Variants in ARHGEF4 observed in about 807,000 individuals in gnomAD.
The protein encoded by ARHGEF4 is APC-stimulated guanine nucleotide exchange factor 1.
Under a neutral mutation model 162.0 loss-of-function variants are expected in ARHGEF4, and 119 were observed. That is an observed-to-expected ratio of 0.73 (90% CI 0.63 to 0.86). The LOEUF (loss-of-function observed/expected upper bound fraction) is 0.86, where lower values mean the gene tolerates loss of function less well. Ranked by LOEUF, ARHGEF4 falls within the 40% of genes least tolerant of loss-of-function variation. The pLI is 0.00. For missense variants in ARHGEF4, 2,488 were observed against 2,456.0 expected (o/e 1.01, Z -0.28); for synonymous variants, 1,014 against 979.9 (o/e 1.03, Z -0.65).
At chr2:131,023,839 A>T (rs767179628) in intron 4 of ARHGEF4, among the ~76,000 whole-genome samples, 2 of 152,230 alleles carry the variant, frequency 1.3e-5, no homozygotes, top group African/African-American at 2.4e-5. Flanking sequence ...TCATAATAGG[A>T]ATAGTTGGAA....
chr2:130,977,223 G>A (rs62647495), intron 4 of ARHGEF4, among the ~76,000 whole-genome samples: 8,820 of 151,654 alleles, frequency 0.058, 341 homozygotes, highest in African/African-American at 0.1. Context: ...TGCGGTGTGC[G>A]TGTGATGTGT....
At chr2:130,964,197 C>T in intron 4 of ARHGEF4, 1 of 985,312 alleles carries the variant, frequency 1.0e-6, no homozygotes, top group Non-Finnish European at 1.2e-6. Flanking sequence ...GGGGCATGCG[C>T]GGCGCCGTGT....
intron 6 of ARHGEF4, chr2:131,039,331 C>T (rs1690575093): frequency 8.3e-7 from 1 of 1,197,884 alleles, no homozygotes; most frequent in Non-Finnish European, 1.0e-6. Context: ...TTTCCCAAGC[C>T]CTGAAGAGCA....
At chr2:130,966,744 A>G (rs1292042131) in intron 4 of ARHGEF4, among the ~76,000 whole-genome samples, 1 of 152,220 alleles carries the variant, frequency 6.6e-6, no homozygotes, top group African/African-American at 2.4e-5. Flanking sequence ...TTCAACAATC[A>G]TGGCTTTTTC....
intron 4 of ARHGEF4, among the ~76,000 whole-genome samples, chr2:130,961,165 G>T (rs1684600271): frequency 6.6e-6 from 1 of 152,206 alleles, no homozygotes; most frequent in Non-Finnish European, 1.5e-5. Flanking sequence ...TCCTCCACGG[G>T]CTGCTTGCCC....
Position 131,041,950 on chromosome 2 carries a change from G to A in ARHGEF4, c.5025+6G>A. 1.2e-6 allele frequency: 2 copies of A among 1,609,436 alleles called. No individual in the cohort carries two copies. The highest frequency in any genetic ancestry group is 1.7e-6 in the Non-Finnish European group (2 of 1,177,890). On this transcript the variant is annotated splice_donor_region_variant and intron_variant, in intron 10 of 13. Transcript: ENST00000409359. ...GCTCCATAGAGGACTGGGAGGTGAG[G>A]GCCTGGGGGCACAGAAAATTCCAGG...
chr2:130,876,034 G>A (rs1400208246), intron 1 of ARHGEF4, among the ~76,000 whole-genome samples: 1 of 152,140 alleles, frequency 6.6e-6, no homozygotes, highest in Non-Finnish European at 1.5e-5. Context: ...TCCCTAACAT[G>A]TCACCTCTAC....
chr2:130,896,192 A>G (rs1043751826), intron 1 of ARHGEF4, among the ~76,000 whole-genome samples: 5 of 152,338 alleles, frequency 3.3e-5, no homozygotes, highest in Middle Eastern at 3.4e-3. Flanking sequence ...AAGGCACTGT[A>G]CAATATGTGG....
At chr2:131,040,231 C>T (rs1690686349) in intron 7 of ARHGEF4, 30 bp from the exon 8 acceptor site, 2 of 1,609,226 alleles carry the variant, frequency 1.2e-6, no homozygotes, top group Non-Finnish European at 8.5e-7. Context: ...GGGACCCGGT[C>T]GGGGGAGGCC....
intron 13 of ARHGEF4, chr2:131,045,744 T>G (rs1419472709): frequency 9.1e-6 from 13 of 1,431,040 alleles, no homozygotes; most frequent in Non-Finnish European, 1.2e-5. Flanking sequence ...GGTGTAGGGA[T>G]GGAGCTGCTT....
intron 5 of ARHGEF4, among the ~76,000 whole-genome samples, chr2:131,037,276 T>C (rs1690369344): frequency 6.6e-6 from 1 of 152,186 alleles, no homozygotes; most frequent in South Asian, 2.1e-4. Flanking sequence ...TGAACTTGCT[T>C]GCTCAGGACC....
chr2:130,879,130 G>C (rs1178056488), intron 1 of ARHGEF4, among the ~76,000 whole-genome samples: 1 of 152,166 alleles, frequency 6.6e-6, no homozygotes, highest in Non-Finnish European at 1.5e-5. Flanking sequence ...CAGGAGGGAG[G>C]GAGTGAGAGA....
chr2:130,978,449 A>C (rs2105243417), intron 4 of ARHGEF4, among the ~76,000 whole-genome samples: 1 of 152,338 alleles, frequency 6.6e-6, no homozygotes, highest in South Asian at 2.1e-4. Context: ...TCTTGGCCTG[A>C]TTACTCACAC....
intron 1 of ARHGEF4, among the ~76,000 whole-genome samples, chr2:130,869,458 A>C (rs1450418318): frequency 6.6e-6 from 1 of 152,180 alleles, no homozygotes; most frequent in Non-Finnish European, 1.5e-5. Flanking sequence ...GTTACCCCTG[A>C]GATAAGCAGG....
chr2:130,935,156 CTATT>C (rs1417884987), intron 3 of ARHGEF4, among the ~76,000 whole-genome samples: 13 of 150,778 alleles, frequency 8.6e-5, no homozygotes, highest in African/African-American at 3.2e-4. Flanking sequence ...AATTTTTTAT[CTATT>C]TATTCATTTA....
intron 4 of ARHGEF4, among the ~76,000 whole-genome samples, chr2:130,987,094 C>G (rs1274646386): frequency 6.6e-6 from 1 of 152,244 alleles, no homozygotes; most frequent in East Asian, 1.9e-4. Flanking sequence ...GGAGGAGCCA[C>G]TGCAGGCAGA....
chr2:130,890,866 C>A (rs960250982), intron 1 of ARHGEF4, among the ~76,000 whole-genome samples: 4 of 152,100 alleles, frequency 2.6e-5, no homozygotes, highest in African/African-American at 7.2e-5. Flanking sequence ...ATCCTCAGGG[C>A]CATGCGGTAT....
chr2:130,920,457 A>G (rs1194485438), intron 2 of ARHGEF4, among the ~76,000 whole-genome samples: 1 of 152,202 alleles, frequency 6.6e-6, no homozygotes, highest in Non-Finnish European at 1.5e-5. Flanking sequence ...TTACTGGAGA[A>G]GAGGAAGGCC....
intron 13 of ARHGEF4, 176 bp from the exon 14 acceptor site, chr2:131,045,862 G>A: frequency 4.1e-6 from 6 of 1,477,824 alleles, no homozygotes; most frequent in East Asian, 2.3e-5. Context: ...AGAGACCCCA[G>A]GCAGCCTGAG....
Sources: allele counts gnomAD v4.1 joint callset (sites outside exome capture counted in the v4.1 genomes callset), GRCh38; gene constraint gnomAD v4.1.1; transcripts MANE v1.5; gene names NCBI Gene and HGNC (gene_info 2026-07-23, HGNC 2026-07-21).